The following KATNAL2 variants were observed in gnomAD, a reference collection of about 807,000 sequenced individuals.
KATNAL2 encodes the protein katanin catalytic subunit A1 like 2.
A neutral mutation model predicts 76.3 loss-of-function variants in KATNAL2; 52 were observed. The observed-to-expected ratio is 0.68, with a 90% CI of 0.55 to 0.86. The LOEUF (loss-of-function observed/expected upper bound fraction) is 0.86, where lower values mean the gene tolerates loss of function less well. Among genes scored for constraint, KATNAL2 ranks in the 40% least tolerant of loss-of-function variants. The pLI, the probability that KATNAL2 is intolerant of heterozygous loss-of-function variation, is 0.00. For synonymous variants in KATNAL2, 243 were observed against 244.2 expected (o/e 1.00, Z 0.05); for missense variants, 660 against 668.9 (o/e 0.99, Z 0.15).
At chr18:47,078,975 G>C (rs2147267220) in intron 15 of KATNAL2, among the ~76,000 whole-genome samples, 1 of 152,188 alleles carries the variant, frequency 6.6e-6, no homozygotes, top group East Asian at 1.9e-4. Context: ...GAACCAATAT[G>C]TTCTAACTCA....
chr18:46,945,748 G>A (rs1391845335), intron 1 of KATNAL2, among the ~76,000 whole-genome samples: 7 of 152,212 alleles, frequency 4.6e-5, no homozygotes, highest in Middle Eastern at 3.2e-3. Flanking sequence ...CGCATAGTAC[G>A]TTGGTGCTGT....
intron 3 of KATNAL2, chr18:47,035,031 G>C (rs1206864892): frequency 1.1e-5 from 18 of 1,611,634 alleles, no homozygotes; most frequent in Non-Finnish European, 1.5e-5. Context: ...TTCGGTCCAC[G>C]AGCACCAGCT....
At chr18:46,958,308 C>G (rs1475204983) in intron 3 of KATNAL2, among the ~76,000 whole-genome samples, 1 of 151,932 alleles carries the variant, frequency 6.6e-6, no homozygotes, top group Admixed American at 6.6e-5. Flanking sequence ...GATCTTGGGA[C>G]CTGTCAGCTT....
chr18:46,924,870 C>A (rs1468777596), intron 1 of KATNAL2, among the ~76,000 whole-genome samples: 1 of 152,114 alleles, frequency 6.6e-6, no homozygotes, highest in Non-Finnish European at 1.5e-5. Context: ...AGTTCACTCA[C>A]GATTTGGCTG....
chr18:47,054,474 CTCGAGGAGCTTGTGGAATCCCTT>C, intron 6 of KATNAL2, 36 bp downstream of exon 6: 6 of 1,597,800 alleles, frequency 3.8e-6, no homozygotes, highest in Non-Finnish European at 5.1e-6. Context: ...ATCGACTCGG[CTCGAGGAGCTTGTGGAATCCCTT>C]TCCAGAAGCT....
chr18:47,079,664 T>C (rs1002394256), intron 15 of KATNAL2, among the ~76,000 whole-genome samples: 1 of 152,170 alleles, frequency 6.6e-6, no homozygotes, highest in Admixed American at 6.5e-5. Context: ...CTTTTTTTTT[T>C]CTTTTCCTCC....
Position 46,946,490 on chromosome 18 carries a change from A to G in KATNAL2, c.-76A>G, listed in dbSNP as rs182452691. 1.6e-3 allele frequency: 1,586 copies of G among 985,494 alleles called. 1 individual carries two copies. The highest frequency in any genetic ancestry group is 1.8e-3 in the Non-Finnish European group (1,509 of 829,934). The allele number at this position is 985,494 out of a possible 1,614,324, so 61.0% of individuals were successfully genotyped here. A position where few individuals can be genotyped will look rare whatever the true frequency, so the allele number is the denominator to read the frequency against. ...GACGTCAAAATATAGTCTTGGGTAT[A>G]GAAGCATTGGGTCGCAAAGACCTGA... is the stretch of plus-strand genomic sequence containing the variant. On this transcript the variant is annotated 5_prime_UTR_variant, in exon 2 of 18. In the 5' UTR this introduces an upstream ATG that the reference lacks. Coordinates refer to ENST00000683218, the MANE Select transcript of KATNAL2 (RefSeq NM_001387690.1).
chr18:46,943,513 A>G (rs2059304612), intron 1 of KATNAL2, among the ~76,000 whole-genome samples: 1 of 152,230 alleles, frequency 6.6e-6, no homozygotes, highest in South Asian at 2.1e-4. Context: ...CACTCCCACC[A>G]GCACCATGAC....
At chr18:46,934,494 T>C (rs903052542) in intron 1 of KATNAL2, among the ~76,000 whole-genome samples, 2 of 152,232 alleles carry the variant, frequency 1.3e-5, no homozygotes, top group Non-Finnish European at 2.9e-5. Context: ...TTGATGGGGT[T>C]GTTTGCTTTT....
intron 13 of KATNAL2, among the ~76,000 whole-genome samples, chr18:47,072,590 T>A (rs1444341597): frequency 6.6e-6 from 1 of 152,128 alleles, no homozygotes; most frequent in Admixed American, 6.5e-5. Context: ...AGACTATAGG[T>A]GCACACCACC....
At chr18:47,042,323 G>A (rs986371664) in intron 3 of KATNAL2, among the ~76,000 whole-genome samples, 16 of 152,244 alleles carry the variant, frequency 1.1e-4, no homozygotes, top group African/African-American at 3.6e-4. Context: ...TACTTACTAT[G>A]CTCCCTTCAC....
chr18:46,920,079 G>T, intron 1 of KATNAL2: 1 of 1,289,700 alleles, frequency 7.8e-7, no homozygotes, highest in Non-Finnish European at 1.0e-6. Context: ...CTTTGTAGTT[G>T]CTTCCCAGCA....
rs1305395647 is a variant in KATNAL2, at chr18:47,098,139, G to A, written c.1212-1104G>A. On this transcript the variant is annotated intron_variant, in intron 15 of 17. Coordinates refer to ENST00000683218, the MANE Select transcript of KATNAL2 (RefSeq NM_001387690.1). ...GTTGAATCAAGATGGTATGTATATA[G>A]ATGTTCAATTGTTTTATTCTACTTT... 8 of 281,808 alleles carry A rather than the reference G, an allele frequency of 2.8e-5. No individual in the cohort carries two copies. In the Admixed American group the frequency reaches 3.6e-4, roughly 13 times the overall value. The allele number at this position is 281,808 out of a possible 1,614,324, so 17.5% of individuals were successfully genotyped here. A position where few individuals can be genotyped will look rare whatever the true frequency, so the allele number is the denominator to read the frequency against.
At chr18:46,947,898 A>G (rs780999619) in intron 3 of KATNAL2, among the ~76,000 whole-genome samples, 1 of 152,126 alleles carries the variant, frequency 6.6e-6, no homozygotes, top group African/African-American at 2.4e-5. Flanking sequence ...TCCGGATTGT[A>G]CTTAAGCCTA....
chr18:46,922,854 G>A (rs1160749238), intron 1 of KATNAL2, among the ~76,000 whole-genome samples: 1 of 148,746 alleles, frequency 6.7e-6, no homozygotes, highest in Non-Finnish European at 1.5e-5. Flanking sequence ...TAGCAGTATG[G>A]TTATCTGTAT....
chr18:47,092,371 C>T (rs1336040875), intron 15 of KATNAL2, among the ~76,000 whole-genome samples: 4 of 152,182 alleles, frequency 2.6e-5, no homozygotes, highest in African/African-American at 4.8e-5. Context: ...TGGTGGCACA[C>T]GCCTGTAATC....
Position 47,033,546 on chromosome 18 carries a change from G to A in KATNAL2, c.52-12911G>A, listed in dbSNP as rs776889121. The A allele has an allele frequency of 1.3e-5, 21 of 1,614,170 alleles. No individual in the cohort carries two copies. In the South Asian group the frequency reaches 2.3e-4, roughly 18 times the overall value. On this transcript the variant is annotated intron_variant, in intron 3 of 17. Transcript: ENST00000683218. ...CTGTCTCTCTAACGAGTGCGTGATT[G>A]TCTTTCTTTCTGCGATACAGCTGAT...
At chr18:47,061,722 T>C (rs2061637916) in intron 8 of KATNAL2, among the ~76,000 whole-genome samples, 1 of 152,200 alleles carries the variant, frequency 6.6e-6, no homozygotes, top group Admixed American at 6.5e-5. Context: ...TTAAGTTGTT[T>C]TATAATTTCT....
In KATNAL2 at chr18:47,076,826, T is replaced by G. The variant is rs1008083213; in HGVS notation, c.1101-525T>G. 2.6e-3 allele frequency among the ~76,000 whole-genome samples: 380 copies of G among 148,242 alleles called. 3 individuals are homozygous for G. Among genetic ancestry groups the G allele is most frequent in the African/African-American group, 7.1e-3 (290 of 40,760 alleles). ...ATATATATATATATACACATATATA[T>G]ATAGAGAGAGACGGTCTTCTCTCTT... On this transcript the variant is annotated intron_variant, in intron 14 of 17. Coordinates refer to ENST00000683218, the MANE Select transcript of KATNAL2 (RefSeq NM_001387690.1).
Sources: gnomAD v4.1 joint callset for allele counts (sites outside exome capture counted in the v4.1 genomes callset) on GRCh38, gnomAD v4.1.1 for gene constraint, MANE v1.5 for transcripts, NCBI Gene and HGNC (gene_info 2026-07-23, HGNC 2026-07-21) for gene names.